The following SIPA1L1 variants were observed in gnomAD, a reference collection of about 807,000 sequenced individuals.
SIPA1L1 encodes signal induced proliferation associated 1 like 1.
SIPA1L1 carries 26 observed loss-of-function variants against 162.7 expected under a neutral mutation model. That is an observed-to-expected ratio of 0.16 (90% confidence interval 0.12 to 0.22). The LOEUF (loss-of-function observed/expected upper bound fraction) is 0.22. SIPA1L1 is among the 10% of genes least tolerant of loss of function. SIPA1L1 has a pLI of 1.00. For synonymous variants in SIPA1L1, 829 were observed against 837.4 expected (o/e 0.99, Z 0.17); for missense variants, 1,874 against 2,241.0 (o/e 0.84, Z 3.31).
intron 3 of SIPA1L1, among the ~76,000 whole-genome samples, chr14:71,519,286 G>GA (rs2052060208): frequency 6.6e-6 from 1 of 151,452 alleles, no homozygotes; most frequent in Non-Finnish European, 1.5e-5. Flanking sequence ...GCAACAGAGT[G>GA]AGAACCTGCC....
chr14:71,660,835 C>A (rs543234250), intron 9 of SIPA1L1, among the ~76,000 whole-genome samples: 2 of 152,308 alleles, frequency 1.3e-5, no homozygotes, highest in East Asian at 3.9e-4. Flanking sequence ...GAATATTATT[C>A]TTTTCTACAT....
chr14:71,565,906 G>A (rs116958503), intron 4 of SIPA1L1, among the ~76,000 whole-genome samples: 210 of 152,052 alleles, frequency 1.4e-3, no homozygotes, highest in Non-Finnish European at 2.5e-3. Context: ...ATATAAATAT[G>A]TGTTCACAGA....
chr14:71,713,867 T>G (rs540152218), intron 17 of SIPA1L1, among the ~76,000 whole-genome samples: 7 of 152,326 alleles, frequency 4.6e-5, no homozygotes, highest in Middle Eastern at 3.4e-3. Context: ...CTAAATCTTT[T>G]CTGCCTGGAA....
intron 2 of SIPA1L1, among the ~76,000 whole-genome samples, chr14:71,388,378 T>A (rs542408679): frequency 6.6e-6 from 1 of 152,366 alleles, no homozygotes; most frequent in South Asian, 2.1e-4. Flanking sequence ...CACAAGGAAT[T>A]ATCTGCAAAA....
At chr14:71,713,088 C>T (rs2082997676) in intron 17 of SIPA1L1, among the ~76,000 whole-genome samples, 1 of 152,214 alleles carries the variant, frequency 6.6e-6, no homozygotes, top group Non-Finnish European at 1.5e-5. Flanking sequence ...GGCACGGTGA[C>T]ATGGGCCTAT....
At chr14:71,536,157 A>G (rs1436688759) in intron 4 of SIPA1L1, among the ~76,000 whole-genome samples, 1 of 150,316 alleles carries the variant, frequency 6.7e-6, no homozygotes, top group Admixed American at 6.6e-5. Context: ...CTTTCAAATC[A>G]TTACACTACA....
intron 2 of SIPA1L1, among the ~76,000 whole-genome samples, chr14:71,421,399 C>T (rs1162101802): frequency 6.6e-6 from 1 of 151,972 alleles, no homozygotes; most frequent in Non-Finnish European, 1.5e-5. Context: ...TTGAGACCAG[C>T]CTGGGCAACA....
rs758756677 is a variant in SIPA1L1, at chr14:71,705,359, TAAA to T, written c.3765+23_3765+25del. 6.5e-7 allele frequency: 1 copy of T among 1,539,150 alleles called. No individual in the cohort carries two copies. The highest frequency in any genetic ancestry group is 9.0e-7 in the Non-Finnish European group (1 of 1,111,722). On this transcript the variant is annotated intron_variant, in intron 16 of 23. Transcript: ENST00000381232. ...AGGGCATGTAAGTTAACTGTAAACTTAAAAAAGTATTAGATTCCTAGCAGTGTA... is the reference window on the plus strand; with the variant it reads ...AGGGCATGTAAGTTAACTGTAAACTTAAAGTATTAGATTCCTAGCAGTGTA...
intron 2 of SIPA1L1, among the ~76,000 whole-genome samples, chr14:71,454,323 G>A (rs1330410831): frequency 1.3e-5 from 2 of 152,078 alleles, no homozygotes; most frequent in Admixed American, 1.3e-4. Context: ...TAGAACCTTT[G>A]GTTTAAATTG....
intron 2 of SIPA1L1, among the ~76,000 whole-genome samples, chr14:71,430,530 T>C (rs996911601): frequency 6.6e-6 from 1 of 151,912 alleles, no homozygotes; most frequent in Non-Finnish European, 1.5e-5. Context: ...CCCAGCAGGG[T>C]TTTTGGGAGC....
intron 2 of SIPA1L1, among the ~76,000 whole-genome samples, chr14:71,477,343 T>C (rs1445782304): frequency 1.3e-5 from 2 of 152,036 alleles, no homozygotes; most frequent in African/African-American, 4.8e-5. Flanking sequence ...CCCATCTCCA[T>C]AGTTTTCTCT....
chr14:71,573,011 C>T (rs1045880825), intron 4 of SIPA1L1, among the ~76,000 whole-genome samples: 5 of 151,998 alleles, frequency 3.3e-5, no homozygotes, highest in South Asian at 2.1e-4. Flanking sequence ...ACATTTACTA[C>T]GTAAGATTGA....
chr14:71,366,683 G>A (rs145022573), intron 2 of SIPA1L1, among the ~76,000 whole-genome samples: 1,658 of 152,144 alleles, frequency 0.011, 16 homozygotes, highest in East Asian at 0.021. Flanking sequence ...TGATCCACCC[G>A]CCTCGGCCTC....
intron 2 of SIPA1L1, among the ~76,000 whole-genome samples, chr14:71,422,848 T>C (rs1382113393): frequency 6.6e-6 from 1 of 152,226 alleles, no homozygotes; most frequent in Non-Finnish European, 1.5e-5. Context: ...TACCCAGAAG[T>C]AGAATCATTG....
At chr14:71,410,134 G>A (rs1250325411) in intron 2 of SIPA1L1, among the ~76,000 whole-genome samples, 1 of 152,138 alleles carries the variant, frequency 6.6e-6, no homozygotes, top group Non-Finnish European at 1.5e-5. Flanking sequence ...AAATATGGCA[G>A]CTCATTGTAT....
chr14:71,341,509 AC>A (rs1483695964), intron 2 of SIPA1L1, among the ~76,000 whole-genome samples: 1 of 152,002 alleles, frequency 6.6e-6, no homozygotes, highest in African/African-American at 2.4e-5. Flanking sequence ...TTTCTCCCCA[AC>A]TTTTGTTTTA....
At chr14:71,557,963 G>T (rs942288834) in intron 4 of SIPA1L1, among the ~76,000 whole-genome samples, 1 of 152,168 alleles carries the variant, frequency 6.6e-6, no homozygotes, top group Non-Finnish European at 1.5e-5. Context: ...GTGTTGGTTT[G>T]TGATACTTAA....
At position 71,446,900 on chromosome 14, in the gene SIPA1L1, TTTTTTG is replaced by T. The variant is rs1213006425; in HGVS notation, c.-464-65837_-464-65832del. Among the ~76,000 whole-genome samples, 549 of 84,262 alleles carry T rather than the reference TTTTTTG, an allele frequency of 6.5e-3. 18 individuals carry two copies. Among genetic ancestry groups the T allele is most frequent in the African/African-American group, 0.015 (260 of 17,204 alleles). The allele number at this position is 84,262 out of a possible 152,430, so 55.3% of individuals were successfully genotyped here. A position where few individuals can be genotyped will look rare whatever the true frequency, so the allele number is the denominator to read the frequency against. On this transcript the variant is annotated intron_variant, in intron 2 of 23. Coordinates refer to ENST00000381232, the MANE Select transcript of SIPA1L1 (RefSeq NM_001386936.1). Reference sequence around the variant, plus strand: ...ATAAAGAGAGATGGGCTCTGTTTTTTTTTTTGTTTTTTTTTTTTTTTTTTTTTTTGA... The same window carrying T: ...ATAAAGAGAGATGGGCTCTGTTTTTTTTTTTTTTTTTTTTTTTTTTTTTGA...
At position 71,468,177 on chromosome 14, in the gene SIPA1L1, C is replaced by T. The variant is rs187860637; in HGVS notation, c.-464-44566C>T. Among the ~76,000 whole-genome samples, 4 of 152,108 alleles carry T rather than the reference C, an allele frequency of 2.6e-5. No homozygotes were observed. The East Asian group carries it at 5.8e-4, about 22-fold the overall frequency. ...TAACTTTCTTGAGTATTGTTCTAGA[C>T]CCTCTAAGGCAGACAGAAGAAATAA... On this transcript the variant is annotated intron_variant, in intron 2 of 23. Transcript: ENST00000381232.
Sources: allele counts gnomAD v4.1 joint callset (sites outside exome capture counted in the v4.1 genomes callset), GRCh38; gene constraint gnomAD v4.1.1; transcripts MANE v1.5; gene names NCBI Gene and HGNC (gene_info 2026-07-23, HGNC 2026-07-21).